CLMN: variants seen among roughly 807,000 people sequenced by gnomAD.
The protein encoded by CLMN is calmin (calponin-like, transmembrane).
A neutral mutation model predicts 92.7 loss-of-function variants in CLMN; 57 were observed. That is an observed-to-expected ratio of 0.61 (90% CI 0.50 to 0.77). CLMN has a LOEUF of 0.77. Among genes scored for constraint, CLMN ranks in the 30% least tolerant of loss-of-function variants. CLMN has a pLI of 0.00. For synonymous variants in CLMN, 466 were observed against 470.6 expected, an observed-to-expected ratio of 0.99 and a Z score of 0.13; for missense variants, 1,158 against 1,237.5, an observed-to-expected ratio of 0.94 and a Z score of 0.96.
At chr14:95,252,320 A>G (rs1898821726) in intron 1 of CLMN, among the ~76,000 whole-genome samples, 1 of 152,162 alleles carries the variant, frequency 6.6e-6, no homozygotes, top group Non-Finnish European at 1.5e-5. Context: ...AAGTGGGGAT[A>G]ATGAGAGCCC....
chr14:95,247,829 G>A (rs1161675257), intron 1 of CLMN, among the ~76,000 whole-genome samples: 1 of 152,026 alleles, frequency 6.6e-6, no homozygotes, highest in African/African-American at 2.4e-5. Context: ...GCTGCTACGT[G>A]GACTGGAGAG....
rs2140547654 is a variant in CLMN at position 95,185,658 on chromosome 14, G to C, written c.*5906C>G. The stretch of plus-strand genomic sequence containing the variant: ...GGCTGAGAAGGTCCCGAGATACCAG[G>C]CTGACTGGAAGCTCCCACACAGCCC... On this transcript the variant is annotated 3_prime_UTR_variant, in exon 13 of 13. Coordinates refer to ENST00000298912, the MANE Select transcript of CLMN (RefSeq NM_024734.4). 1 of 152,268 alleles carries C rather than the reference G, an allele frequency of 6.6e-6. No homozygotes were observed. The highest frequency in any genetic ancestry group is 1.9e-4 in the East Asian group (1 of 5,178). 9.4% of individuals were successfully genotyped at this position (152,268 alleles called of 1,614,324 possible). A position where few individuals can be genotyped will look rare whatever the true frequency, so the allele number is the denominator to read the frequency against.
At chr14:95,249,496 G>A (rs1898698602) in intron 1 of CLMN, among the ~76,000 whole-genome samples, 1 of 152,172 alleles carries the variant, frequency 6.6e-6, no homozygotes, top group African/African-American at 2.4e-5. Context: ...ATCTTGGGAA[G>A]CTAATGGGGT....
Position 95,183,553 on chromosome 14 carries a change from T to G in CLMN, c.*8011A>C, listed in dbSNP as rs1281269019. ...CTCTACTTCTCCATTTTAATTACACTGCCCTCAGGCCTTCTCTACTTTTCT... is the reference window on the plus strand; with the variant it reads ...CTCTACTTCTCCATTTTAATTACACGGCCCTCAGGCCTTCTCTACTTTTCT... On this transcript the variant is annotated 3_prime_UTR_variant, in exon 13 of 13. Transcript: ENST00000298912. 2 of 152,236 alleles carry G rather than the reference T, an allele frequency of 1.3e-5. No homozygotes were observed. Among genetic ancestry groups the G allele is most frequent in the Non-Finnish European group, 2.9e-5 (2 of 68,042 alleles). 9.4% of individuals were successfully genotyped at this position (152,236 alleles called of 1,614,324 possible). A position where few individuals can be genotyped will look rare whatever the true frequency, so the allele number is the denominator to read the frequency against.
At chr14:95,192,672 A>G (rs1204359934) in intron 12 of CLMN, 1 of 152,426 alleles carries the variant, frequency 6.6e-6, no homozygotes, top group African/African-American at 2.4e-5. Flanking sequence ...AAGTTAAACT[A>G]TATACTTTTT....
intron 1 of CLMN, among the ~76,000 whole-genome samples, chr14:95,264,600 C>T (rs1412045501): frequency 6.6e-6 from 1 of 152,168 alleles, no homozygotes; most frequent in East Asian, 1.9e-4. Flanking sequence ...ATCCAGGCCT[C>T]CCAGGGTCCA....
chr14:95,297,167 C>T (rs1900840968), intron 1 of CLMN, among the ~76,000 whole-genome samples: 1 of 152,092 alleles, frequency 6.6e-6, no homozygotes, highest in Admixed American at 6.5e-5. Flanking sequence ...ATGCCTGGGG[C>T]TCAGTGGAGT....
intron 1 of CLMN, among the ~76,000 whole-genome samples, chr14:95,303,560 G>A (rs1901149058): frequency 6.6e-6 from 1 of 152,202 alleles, no homozygotes; most frequent in African/African-American, 2.4e-5. Context: ...CCTCAACCAC[G>A]GATGAACCAA....
intron 1 of CLMN, among the ~76,000 whole-genome samples, chr14:95,254,666 G>T (rs1477445777): frequency 6.6e-6 from 1 of 152,160 alleles, no homozygotes; most frequent in Non-Finnish European, 1.5e-5. Flanking sequence ...AACCCAAGGA[G>T]CCAGAATGTG....
intron 1 of CLMN, among the ~76,000 whole-genome samples, chr14:95,264,122 C>T (rs917120158): frequency 2.2e-4 from 33 of 152,024 alleles, no homozygotes; most frequent in Non-Finnish European, 1.3e-4. Flanking sequence ...ACACTGCAGC[C>T]CTGACCTCCT....
At position 95,221,769 on chromosome 14, in the gene CLMN, G is replaced by A. The variant is rs183593127; in HGVS notation, c.246C>T (p.His82=). Residue 82 remains histidine (H), a synonymous_variant, in exon 4 of 13, where the codon CAC becomes CAT. Transcript: ENST00000298912. ...TACGATGCGACGAGGATTTGTATTCGTGCAGCTATAAAACAGAACAGAACA... is the reference window on the plus strand; with the variant it reads ...TACGATGCGACGAGGATTTGTATTCATGCAGCTATAAAACAGAACAGAACA... ...LEVLSGRNLL[H]EYKSSSHRIF... is the part of the protein sequence containing the mutation. 59 of 1,614,064 alleles carry A rather than the reference G, an allele frequency of 3.7e-5. No homozygotes were observed. Among genetic ancestry groups the A allele is most frequent in the Middle Eastern group, 3.3e-4 (2 of 6,062 alleles).
chr14:95,196,508 T>A lies in CLMN; in HGVS notation c.2698A>T (p.Ile900Phe), dbSNP rs61750771. The change falls in exon 10 of 13, where the codon ATT becomes TTT. Residue 900 changes from isoleucine to phenylalanine, a missense_variant. By Grantham distance (21) the Ile-to-Phe change is conservative. Coordinates refer to ENST00000298912, the MANE Select transcript of CLMN (RefSeq NM_024734.4). ...AGATGAATAAAATACCTGGAAGGAA[T>A]GCTGTAGTCGCTACTGTCTTCTTCT... is the stretch of plus-strand genomic sequence containing the variant. ...DLEEDSSDYS[I>F]PSRTSHSDSS... 2.7e-3 allele frequency: 4,384 copies of A among 1,609,466 alleles called. 108 individuals carry two copies. In the African/African-American group the frequency reaches 0.052, roughly 19 times the overall value.
chr14:95,295,538 G>A (rs1056649069), intron 1 of CLMN, among the ~76,000 whole-genome samples: 1 of 152,210 alleles, frequency 6.6e-6, no homozygotes, highest in Non-Finnish European at 1.5e-5. Flanking sequence ...CTGCCCGGGG[G>A]TGGTGTCAGG....
intron 1 of CLMN, among the ~76,000 whole-genome samples, chr14:95,232,186 T>G (rs1897910814): frequency 6.6e-6 from 1 of 152,242 alleles, no homozygotes; most frequent in South Asian, 2.1e-4. Flanking sequence ...AGTGCCAGTG[T>G]CTGGGTGAGG....
intron 2 of CLMN, among the ~76,000 whole-genome samples, chr14:95,227,272 C>T (rs1026078552): frequency 1.3e-5 from 2 of 152,074 alleles, no homozygotes; most frequent in Non-Finnish European, 2.9e-5. Flanking sequence ...GTCCCTTTAC[C>T]CCCAGTTAGT....
intron 1 of CLMN, among the ~76,000 whole-genome samples, chr14:95,238,742 A>G (rs112092286): frequency 0.028 from 4,248 of 152,180 alleles, 101 homozygotes; most frequent in Non-Finnish European, 0.044. Context: ...GGTCTCCCCA[A>G]TACATGCCCG....
intron 1 of CLMN, among the ~76,000 whole-genome samples, chr14:95,304,426 C>A (rs997319107): frequency 6.6e-6 from 1 of 151,928 alleles, no homozygotes; most frequent in African/African-American, 2.4e-5. Flanking sequence ...CCAGAAGTCC[C>A]AAAGGGTCGG....
chr14:95,248,819 C>T lies in CLMN; in HGVS notation c.83-18686G>A, dbSNP rs532507211. Among the ~76,000 whole-genome samples the T allele has an allele frequency of 2.6e-5, 4 of 152,196 alleles. No homozygotes were observed. The South Asian group carries it at 6.2e-4, about 24-fold the overall frequency. On this transcript the variant is annotated intron_variant, in intron 1 of 12. Transcript: ENST00000298912. ...TGGGGGGAACTGGAATAGGAAACAA[C>T]GTTTTTATCATAAGCTTGCCTGTAT...
chr14:95,187,257 C>T lies in CLMN; in HGVS notation c.*4307G>A, dbSNP rs922128012. On this transcript the variant is annotated 3_prime_UTR_variant, in exon 13 of 13. Transcript: ENST00000298912. ...TACTGAACACATGAGCCTGTTTCTT[C>T]CCTCATGAAACCCCATGAAAATAGG... The T allele has an allele frequency of 3.9e-5, 6 of 152,210 alleles. No individual in the cohort carries two copies. Among genetic ancestry groups the T allele is most frequent in the Non-Finnish European group, 8.8e-5 (6 of 68,062 alleles). The allele number at this position is 152,210 out of a possible 1,614,324, so 9.4% of individuals were successfully genotyped here.
Sources: gnomAD v4.1 joint callset for allele counts (sites outside exome capture counted in the v4.1 genomes callset) on GRCh38, gnomAD v4.1.1 for gene constraint, MANE v1.5 for transcripts, NCBI Gene and HGNC (gene_info 2026-07-23, HGNC 2026-07-21) for gene names.